Variants in RAB11FIP4 observed in about 807,000 individuals in gnomAD.
RAB11FIP4 encodes the protein RAB11 family interacting protein 4.
A neutral mutation model predicts 74.3 loss-of-function variants in RAB11FIP4; 23 were observed. That is an observed-to-expected ratio of 0.31 (90% confidence interval 0.22 to 0.44). The LOEUF (loss-of-function observed/expected upper bound fraction) is 0.44. Among genes scored for constraint, RAB11FIP4 ranks in the 20% least tolerant of loss-of-function variants. The probability of loss-of-function intolerance (pLI) is 1.00; values close to 1 mark genes in which losing one functional copy is unlikely to be tolerated. For synonymous variants in RAB11FIP4, 360 were observed against 359.9 expected (o/e 1.00, Z 0.00); for missense variants, 630 against 863.9 (o/e 0.73, Z 3.39).
chr17:31,397,377 G>T (rs2070940742), intron 1 of RAB11FIP4, among the ~76,000 whole-genome samples: 1 of 152,196 alleles, frequency 6.6e-6, no homozygotes, highest in Non-Finnish European at 1.5e-5. Context: ...CAGTGGCGGG[G>T]GGTGCAGAAT....
chr17:31,507,737 C>T (rs2072378155), intron 3 of RAB11FIP4, among the ~76,000 whole-genome samples: 2 of 152,202 alleles, frequency 1.3e-5, no homozygotes, highest in African/African-American at 2.4e-5. Flanking sequence ...AAGCAGTCCT[C>T]CTGCCTCAGC....
At chr17:31,463,862 G>A (rs1371885072) in intron 3 of RAB11FIP4, among the ~76,000 whole-genome samples, 1 of 120,116 alleles carries the variant, frequency 8.3e-6, no homozygotes, top group Non-Finnish European at 1.6e-5. Context: ...TGTCCAGGCT[G>A]GAGTGCAGTG....
At chr17:31,477,953 A>G (rs1471406822) in intron 3 of RAB11FIP4, among the ~76,000 whole-genome samples, 1 of 150,288 alleles carries the variant, frequency 6.7e-6, no homozygotes, top group African/African-American at 2.5e-5. Context: ...ACTAGAACGG[A>G]GCTTGTATAT....
intron 3 of RAB11FIP4, chr17:31,465,467 C>T (rs2071675306): frequency 6.6e-6 from 1 of 150,856 alleles, no homozygotes; most frequent in Admixed American, 6.6e-5. Context: ...CATTACAACT[C>T]ACCATTCAAG....
chr17:31,446,598 G>C (rs895688603), intron 3 of RAB11FIP4, among the ~76,000 whole-genome samples: 2 of 152,026 alleles, frequency 1.3e-5, no homozygotes, highest in African/African-American at 2.4e-5. Context: ...CATTGGAGTA[G>C]GTGTATTTGT....
intron 3 of RAB11FIP4, among the ~76,000 whole-genome samples, chr17:31,440,295 T>C (rs1011102845): frequency 3.9e-5 from 6 of 152,242 alleles, no homozygotes; most frequent in African/African-American, 1.4e-4. Context: ...CTCAATTGAT[T>C]TGAAATTTTA....
chr17:31,496,147 T>A (rs11649754), intron 3 of RAB11FIP4, among the ~76,000 whole-genome samples: 107,981 of 152,156 alleles, frequency 0.71, 38,894 homozygotes, highest in African/African-American at 0.83. Flanking sequence ...CCTCCAAGGA[T>A]GCAGGTGGAG....
intron 1 of RAB11FIP4, among the ~76,000 whole-genome samples, chr17:31,395,601 T>A (rs757378): frequency 0.46 from 69,877 of 151,892 alleles, 19,112 homozygotes; most frequent in Non-Finnish European, 0.61. Flanking sequence ...ACAAATCCCA[T>A]CCGAGAGGCA....
At chr17:31,418,996 A>G (rs1020005632) in intron 1 of RAB11FIP4, among the ~76,000 whole-genome samples, 6 of 151,940 alleles carry the variant, frequency 3.9e-5, no homozygotes, top group Admixed American at 6.6e-5. Context: ...CTTTGTCACT[A>G]TGGTTTTGCC....
chr17:31,523,202 C>T, intron 7 of RAB11FIP4: 1 of 415,926 alleles, frequency 2.4e-6, no homozygotes, highest in Middle Eastern at 7.2e-4. Context: ...GCTCACGTGC[C>T]AGCTGAGGTC....
chr17:31,412,820 C>T (rs925322969), intron 1 of RAB11FIP4, among the ~76,000 whole-genome samples: 2 of 152,130 alleles, frequency 1.3e-5, no homozygotes, highest in Non-Finnish European at 1.5e-5. Flanking sequence ...GTGGGGTTTC[C>T]GTGGTGGAGA....
chr17:31,522,835 C>G (rs1302790413), intron 7 of RAB11FIP4: 2 of 182,154 alleles, frequency 1.1e-5, no homozygotes, highest in Non-Finnish European at 2.3e-5. Flanking sequence ...TCAGTGTGGC[C>G]CCAGGTCCAC....
At chr17:31,393,131 G>A (rs1039303000) in intron 1 of RAB11FIP4, among the ~76,000 whole-genome samples, 1 of 152,234 alleles carries the variant, frequency 6.6e-6, no homozygotes, top group Non-Finnish European at 1.5e-5. Flanking sequence ...CTTGTGAGTC[G>A]CTGAGAGCTG....
intron 3 of RAB11FIP4, among the ~76,000 whole-genome samples, chr17:31,456,113 T>C (rs189408219): frequency 6.6e-6 from 1 of 152,378 alleles, no homozygotes; most frequent in Non-Finnish European, 1.5e-5. Flanking sequence ...TCTTTACTGT[T>C]GTACATTTTG....
rs538195919 is a variant in RAB11FIP4 at position 31,493,238 on chromosome 17, A to T, written c.337-24413A>T. Reference sequence around the variant, plus strand: ...GTTCTTTCCCAACAATGTAAACATTAATTCAGATGAAAACAAAGCTCTGTA... The same window carrying T: ...GTTCTTTCCCAACAATGTAAACATTTATTCAGATGAAAACAAAGCTCTGTA... On this transcript the variant is annotated intron_variant, in intron 3 of 14. Coordinates refer to ENST00000621161, the MANE Select transcript of RAB11FIP4 (RefSeq NM_032932.6). Among the ~76,000 whole-genome samples the T allele has an allele frequency of 2.0e-5, 3 of 152,362 alleles. 1 individual carries two copies. In the South Asian group the frequency reaches 6.2e-4, roughly 32 times the overall value.
At chr17:31,518,431 T>C (rs866485598) in intron 4 of RAB11FIP4, 6 of 147,674 alleles carry the variant, frequency 4.1e-5, no homozygotes, top group Non-Finnish European at 7.4e-5. Context: ...CACAAACATA[T>C]GCCAGGCAAG....
chr17:31,429,544 T>C (rs2071285823), intron 1 of RAB11FIP4, among the ~76,000 whole-genome samples: 4 of 152,174 alleles, frequency 2.6e-5, no homozygotes. Context: ...ATTGGTCTCC[T>C]GGCTGGGCGT....
chr17:31,472,839 C>T (rs1227487885), intron 3 of RAB11FIP4, among the ~76,000 whole-genome samples: 1 of 151,778 alleles, frequency 6.6e-6, no homozygotes, highest in Non-Finnish European at 1.5e-5. Context: ...TCGAGACCAG[C>T]CTGGCCAACA....
At chr17:31,443,493 C>T (rs964115890) in intron 3 of RAB11FIP4, among the ~76,000 whole-genome samples, 2 of 152,180 alleles carry the variant, frequency 1.3e-5, no homozygotes, top group Non-Finnish European at 2.9e-5. Flanking sequence ...TGACTGATGT[C>T]TAGAGTGAGG....
Sources: allele counts gnomAD v4.1 joint callset (sites outside exome capture counted in the v4.1 genomes callset), GRCh38; gene constraint gnomAD v4.1.1; transcripts MANE v1.5; gene names NCBI Gene and HGNC (gene_info 2026-07-23, HGNC 2026-07-21).